Variants in OTUD4 observed in about 807,000 individuals in gnomAD.
OTUD4 encodes the protein OTU deubiquitinase 4.
In OTUD4, 24 loss-of-function variants were observed where a neutral mutation model predicts 130.4. The ratio of observed to expected loss-of-function variants is 0.18; its 90% CI spans 0.13 to 0.26. OTUD4 has a LOEUF of 0.26. Among genes scored for constraint, OTUD4 ranks in the 10% least tolerant of loss-of-function variants. The pLI is 1.00. For missense variants in OTUD4, 1,031 were observed against 1,329.4 expected, an observed-to-expected ratio of 0.78 and a Z score of 3.49; for synonymous variants, 420 against 472.5, an observed-to-expected ratio of 0.89 and a Z score of 1.44.
intron 6 of OTUD4, among the ~76,000 whole-genome samples, chr4:145,161,363 A>G (rs1472291705): frequency 2.6e-5 from 4 of 152,212 alleles, no homozygotes; most frequent in Non-Finnish European, 4.4e-5. Flanking sequence ...CAGGGTACAG[A>G]GGCTACACTT....
intron 7 of OTUD4, among the ~76,000 whole-genome samples, chr4:145,158,454 C>A (rs1378583059): frequency 1.3e-5 from 2 of 151,664 alleles, no homozygotes; most frequent in South Asian, 4.2e-4. Flanking sequence ...TGCACTCCAG[C>A]CTGAGCAACA....
In OTUD4 at chr4:145,137,159, A is replaced by C; in HGVS notation, c.*271T>G. ...TTTTATATTAAGCTGTTTATAAAAA[A>C]TACTTTAACAAACTTATCTTCTACT... On this transcript the variant is annotated 3_prime_UTR_variant, in exon 21 of 21. Coordinates refer to ENST00000447906, the MANE Select transcript of OTUD4 (RefSeq NM_001366057.1). 2 of 325,624 alleles carry C rather than the reference A, an allele frequency of 6.1e-6. No individual in the cohort carries two copies. The highest frequency in any genetic ancestry group is 1.1e-5 in the Non-Finnish European group (2 of 178,536). 20.2% of individuals were successfully genotyped at this position (325,624 alleles called of 1,614,324 possible).
intron 2 of OTUD4, among the ~76,000 whole-genome samples, chr4:145,173,719 T>C (rs1752289269): frequency 6.6e-6 from 1 of 152,200 alleles, no homozygotes; most frequent in South Asian, 2.1e-4. Context: ...GTTGTCAGAT[T>C]ACATAATTCT....
intron 3 of OTUD4, chr4:145,171,230 G>C (rs1752148440): frequency 6.4e-6 from 1 of 155,100 alleles, no homozygotes. Flanking sequence ...ATACTCGGGA[G>C]ACAAATCGCT....
At chr4:145,175,698 C>T (rs1395367982) in intron 1 of OTUD4, among the ~76,000 whole-genome samples, 2 of 150,636 alleles carry the variant, frequency 1.3e-5, no homozygotes, top group African/African-American at 2.5e-5. Flanking sequence ...CCAACTACCA[C>T]GGCGCTTGGC....
At chr4:145,166,018 G>A (rs184430587) in intron 3 of OTUD4, among the ~76,000 whole-genome samples, 42 of 152,098 alleles carry the variant, frequency 2.8e-4, no homozygotes, top group Admixed American at 2.2e-3. Flanking sequence ...AAACTTAGCC[G>A]GGTGTGGTGG....
intron 2 of OTUD4, 141 bp downstream of exon 2, chr4:145,174,520 C>T: frequency 1.7e-6 from 1 of 582,878 alleles, no homozygotes. Flanking sequence ...AGATTAAGTT[C>T]AATAGAGAAG....
intron 7 of OTUD4, among the ~76,000 whole-genome samples, chr4:145,158,207 T>C (rs7669956): frequency 0.99 from 150,478 of 152,342 alleles, 74,342 homozygotes; most frequent in East Asian, 1. Flanking sequence ...ATATACAGGC[T>C]GGGCAGTGGC....
chr4:145,159,651 G>C lies in OTUD4; in HGVS notation c.497-16C>G. ...TAAAGGAGAGCTGCAATTAATGACA[G>C]ACAGATTTTCCAACATTAACTACAG... On this transcript the variant is annotated splice_polypyrimidine_tract_variant and intron_variant, in intron 6 of 20. Coordinates refer to ENST00000447906, the MANE Select transcript of OTUD4 (RefSeq NM_001366057.1). 6.2e-7 allele frequency: 1 copy of C among 1,610,018 alleles called. No homozygotes were observed. Among genetic ancestry groups the C allele is most frequent in the Non-Finnish European group, 8.5e-7 (1 of 1,178,060 alleles).
At chr4:145,164,103 C>A (rs1326285966) in intron 5 of OTUD4, 51 bp downstream of exon 5, 2 of 779,534 alleles carry the variant, frequency 2.6e-6, no homozygotes, top group Non-Finnish European at 4.3e-6. Context: ...ATGGTAGCAA[C>A]TAAGCGGTTC....
intron 7 of OTUD4, among the ~76,000 whole-genome samples, chr4:145,158,875 G>T (rs1579269075): frequency 7.2e-5 from 11 of 152,172 alleles, no homozygotes. Context: ...TGGAATTAAG[G>T]CTTCTTAGAG....
chr4:145,176,570 G>A (rs895914100), intron 1 of OTUD4, among the ~76,000 whole-genome samples: 7 of 151,784 alleles, frequency 4.6e-5, no homozygotes, highest in Admixed American at 2.6e-4. Context: ...GTGGTGGTGC[G>A]TGCCTGTAGT....
intron 2 of OTUD4, among the ~76,000 whole-genome samples, chr4:145,173,119 C>A (rs527331504): frequency 6.6e-6 from 1 of 152,312 alleles, no homozygotes; most frequent in South Asian, 2.1e-4. Flanking sequence ...AGGCCAGGCA[C>A]GGTGGCTCAC....
intron 7 of OTUD4, 22 bp downstream of exon 7, chr4:145,159,481 T>C (rs935712247): frequency 3.1e-6 from 5 of 1,612,512 alleles, no homozygotes; most frequent in Admixed American, 1.7e-5. Context: ...CTAAGAAAGG[T>C]ATTTTAGGAT....
At chr4:145,155,871 G>C in intron 8 of OTUD4, 65 bp downstream of exon 8, 1 of 1,332,858 alleles carries the variant, frequency 7.5e-7, no homozygotes, top group Non-Finnish European at 1.0e-6. Context: ...AAAAAATTAA[G>C]ATTTTAATGT....
At chr4:145,146,598 G>C (rs1196855100) in intron 13 of OTUD4, among the ~76,000 whole-genome samples, 169 bp from the exon 14 acceptor site, 1 of 151,648 alleles carries the variant, frequency 6.6e-6, no homozygotes, top group South Asian at 2.1e-4. Flanking sequence ...TGACATTTTA[G>C]AACATTTGGC....
rs1433492655 is a variant in OTUD4 at position 145,144,296 on chromosome 4, G to GA, written c.1546+14dup. 2 of 1,605,748 alleles carry GA rather than the reference G, an allele frequency of 1.2e-6. No individual in the cohort carries two copies. The highest frequency in any genetic ancestry group is 1.7e-6 in the Non-Finnish European group (2 of 1,177,816). ...AGATCTCTAGCATCTGCTTTCTAAT[G>GA]ATGAGATAACTTACCTTTGTCTTTT... is the stretch of plus-strand genomic sequence containing the variant. On this transcript the variant is annotated intron_variant, in intron 15 of 20. Coordinates refer to ENST00000447906, the MANE Select transcript of OTUD4 (RefSeq NM_001366057.1).
At chr4:145,155,790 AAATTAGG>A in intron 8 of OTUD4, 104 bp from the exon 9 acceptor site, 1 of 1,023,346 alleles carries the variant, frequency 9.8e-7, no homozygotes, top group Non-Finnish European at 1.4e-6. Flanking sequence ...AAACTTCAAA[AAATTAGG>A]AAGCCACCAA....
chr4:145,138,086 G>T lies in OTUD4; in HGVS notation c.2689C>A (p.Leu897Met). Residue 897 changes from leucine to methionine, a missense_variant, in exon 21 of 21, where the codon CTG (leucine) becomes ATG (methionine). Around this residue, in one of 3 missense-constraint regions of OTUD4, gnomAD observed 900 missense variants for 1,095.9 expected, o/e 0.82. Transcript: ENST00000447906. Reference protein sequence around the residue: ...KGELDLSLENLDLSKDCGSVS... With the variant: ...KGELDLSLENMDLSKDCGSVS... ...GAACCACAATCTTTAGACAGATCCA[G>T]ATTTTCCAGAGACAGATCCAATTCT... 1 of 1,614,096 alleles carries T rather than the reference G, an allele frequency of 6.2e-7. No homozygotes were observed. The highest frequency in any genetic ancestry group is 8.5e-7 in the Non-Finnish European group (1 of 1,179,970).
Sources: allele counts gnomAD v4.1 joint callset (sites outside exome capture counted in the v4.1 genomes callset), GRCh38; gene constraint gnomAD v4.1.1; regional missense constraint gnomAD v4.1.1; transcripts MANE v1.5; gene names NCBI Gene and HGNC (gene_info 2026-07-23, HGNC 2026-07-21).